UNKL: variants seen among roughly 807,000 people sequenced by gnomAD.
UNKL encodes putative E3 ubiquitin-protein ligase UNKL.
In UNKL, 60 loss-of-function variants were observed where a neutral mutation model predicts 78.0. That is an observed-to-expected ratio of 0.77 (90% CI 0.63 to 0.95). UNKL has a LOEUF of 0.95. Among genes scored for constraint, UNKL ranks in the 40% least tolerant of loss-of-function variants. The probability of loss-of-function intolerance (pLI) is 0.00; values close to 1 mark genes in which losing one functional copy is unlikely to be tolerated. For synonymous variants in UNKL, 608 were observed against 474.8 expected, an observed-to-expected ratio of 1.28 and a Z score of -3.65; for missense variants, 1,159 against 1,045.7, an observed-to-expected ratio of 1.11 and a Z score of -1.49.
In UNKL at chr16:1,370,275, AGAG is replaced by A; in HGVS notation, c.1437_1439del (p.Ser480del). ...GCGAACCGAGCGGCGAGGTGGACGC[AGAG>A]GATGGCGAGTGTAGCGATGGTGCTC... is the stretch of plus-strand genomic sequence containing the variant. On this transcript the variant is annotated inframe_deletion, in exon 12 of 15. Coordinates refer to ENST00000389221, the MANE Select transcript of UNKL (RefSeq NM_001372107.1). 2.0e-6 allele frequency: 3 copies of A among 1,534,314 alleles called. No homozygotes were observed. Among genetic ancestry groups the A allele is most frequent in the Non-Finnish European group, 1.7e-6 (2 of 1,144,972 alleles).
At chr16:1,405,010 A>G (rs756282013) in intron 2 of UNKL, among the ~76,000 whole-genome samples, 4 of 152,102 alleles carry the variant, frequency 2.6e-5, no homozygotes, top group Non-Finnish European at 5.9e-5. Flanking sequence ...CCTGGGCAAC[A>G]TGGTGAGTCC....
rs1350074463 is a variant in UNKL, at chr16:1,387,571, C to A, written c.1087-2186G>T. ...CCTTCTCTACCAGCAAAGGACAGGG[C>A]CACCTGGGCTGTGGGGCTGAGGAGG... On this transcript the variant is annotated intron_variant, in intron 9 of 14. Transcript: ENST00000389221. The surrounding 1 kb of genome is among the most constrained non-coding windows in gnomAD (Gnocchi z 4.1). Among the ~76,000 whole-genome samples, 1 of 152,150 alleles carries A rather than the reference C, an allele frequency of 6.6e-6. No homozygotes were observed. Among genetic ancestry groups the A allele is most frequent in the Non-Finnish European group, 1.5e-5 (1 of 68,018 alleles).
rs552344505 is a variant in UNKL at position 1,369,408 on chromosome 16, T to G, written c.1585+722A>C. ...TTTTGAGATGGAGTTTCACTCTTGT[T>G]GCCCAGGCTGGAGCATAATGGCACA... On this transcript the variant is annotated intron_variant, in intron 12 of 14. Transcript: ENST00000389221. Among the ~76,000 whole-genome samples, 622 of 149,292 alleles carry G rather than the reference T, an allele frequency of 4.2e-3. 2 individuals are homozygous for G. The highest frequency in any genetic ancestry group is 0.014 in the African/African-American group (580 of 40,422).
intron 10 of UNKL, among the ~76,000 whole-genome samples, chr16:1,375,925 G>A (rs1183921332): frequency 2.0e-5 from 3 of 152,224 alleles, no homozygotes; most frequent in Non-Finnish European, 1.5e-5. Flanking sequence ...GCTGAAGAGG[G>A]CAAGACCTCA....
At chr16:1,384,878 C>T (rs59634277) in intron 10 of UNKL, among the ~76,000 whole-genome samples, 2 of 152,148 alleles carry the variant, frequency 1.3e-5, no homozygotes, top group Admixed American at 6.5e-5. Context: ...GGAGCACAGG[C>T]GGCCAACTCC....
chr16:1,390,553 C>G (rs1193653117), intron 9 of UNKL, 79 bp downstream of exon 9: 2 of 1,462,376 alleles, frequency 1.4e-6, no homozygotes, highest in Middle Eastern at 2.0e-4. Context: ...CGCGATGCCA[C>G]GGGTCAGGCA....
In UNKL at chr16:1,387,882, T is replaced by C. The variant is rs148825122; in HGVS notation, c.1087-2497A>G. Among the ~76,000 whole-genome samples the C allele has an allele frequency of 6.8e-6, 1 of 146,188 alleles. No homozygotes were observed. The highest frequency in any genetic ancestry group is 1.5e-5 in the Non-Finnish European group (1 of 67,162). Reference sequence around the variant, plus strand: ...GGTCCGTGCTCTGGGGCACGGTCCCTACACACAAGCTGCCCCTGCTCAGTC... The same window carrying C: ...GGTCCGTGCTCTGGGGCACGGTCCCCACACACAAGCTGCCCCTGCTCAGTC... On this transcript the variant is annotated intron_variant, in intron 9 of 14. Transcript: ENST00000389221. The surrounding 1 kb of genome is among the most constrained non-coding windows in gnomAD (Gnocchi z 4.1).
chr16:1,385,471 G>T, intron 9 of UNKL, 86 bp from the exon 10 acceptor site: 1 of 1,244,802 alleles, frequency 8.0e-7, no homozygotes, highest in Non-Finnish European at 1.0e-6. Context: ...AAGCACCGCG[G>T]GACGGCGGCC....
intron 10 of UNKL, among the ~76,000 whole-genome samples, chr16:1,372,468 G>A (rs1403620678): frequency 6.6e-6 from 1 of 152,000 alleles, no homozygotes; most frequent in Non-Finnish European, 1.5e-5. Flanking sequence ...AGGCCGTGGG[G>A]CTGCCCTCCT....
chr16:1,386,840 G>A (rs1483675830), intron 9 of UNKL, among the ~76,000 whole-genome samples: 2 of 152,082 alleles, frequency 1.3e-5, no homozygotes, highest in African/African-American at 4.8e-5. Context: ...GGCCCAGGAG[G>A]TGCACAGAGC....
chr16:1,370,296 T>A lies in UNKL; in HGVS notation c.1419A>T (p.Pro473=). Residue 473 remains proline, a synonymous_variant, in exon 12 of 15, where the codon CCA becomes CCT. Transcript: ENST00000389221. ...VAIPGSLPRA[P]SLHSPSSAST... ...ACGCAGAGGATGGCGAGTGTAGCGA[T>A]GGTGCTCTGGGCAGGGAGCCGGGGA... 1 of 1,533,998 alleles carries A rather than the reference T, an allele frequency of 6.5e-7. No homozygotes were observed. The highest frequency in any genetic ancestry group is 1.2e-5 in the South Asian group (1 of 83,920).
chr16:1,369,231 G>A (rs890150689), intron 12 of UNKL, among the ~76,000 whole-genome samples: 3 of 151,492 alleles, frequency 2.0e-5, no homozygotes, highest in Non-Finnish European at 2.9e-5. Context: ...CACCACGCCC[G>A]CCTAATTTTT....
rs1481846354 is a variant in UNKL, at chr16:1,368,631, A to AC, written c.1586-774_1586-773insG. Among the ~76,000 whole-genome samples the AC allele has an allele frequency of 2.4e-3, 357 of 147,854 alleles. 15 individuals are homozygous for AC. In the East Asian group the frequency reaches 0.048, roughly 20 times the overall value. On this transcript the variant is annotated intron_variant, in intron 12 of 14. Coordinates refer to ENST00000389221, the MANE Select transcript of UNKL (RefSeq NM_001372107.1). ...CTCAAAAAAAAAAAAAAAAAAAAAAAAAAACAGGCCTGTCATCCCAGCACT... is the reference window on the plus strand; with the variant it reads ...CTCAAAAAAAAAAAAAAAAAAAAAAACAAAACAGGCCTGTCATCCCAGCACT...
intron 10 of UNKL, among the ~76,000 whole-genome samples, chr16:1,384,124 A>G (rs1246292676): frequency 6.6e-6 from 1 of 152,074 alleles, no homozygotes; most frequent in Non-Finnish European, 1.5e-5. Context: ...GCTGGTGGCC[A>G]TGGAACATGG....
intron 8 of UNKL, among the ~76,000 whole-genome samples, chr16:1,391,239 T>TACACACAC (rs142620901): frequency 9.7e-5 from 1 of 10,360 alleles, no homozygotes; most frequent in South Asian, 5.0e-3. Flanking sequence ...CCCTTAAAGA[T>TACACACAC]ACACACACAC....
At chr16:1,369,791 G>GACC in intron 12 of UNKL, 1 of 721,400 alleles carries the variant, frequency 1.4e-6, no homozygotes, top group Non-Finnish European at 2.3e-6. Context: ...CCCGGCCAGC[G>GACC]TGATGAAACG....
intron 12 of UNKL, 42 bp downstream of exon 12, chr16:1,370,088 A>T: frequency 6.5e-7 from 1 of 1,545,414 alleles, no homozygotes. Flanking sequence ...AGCCCCACGG[A>T]GGCTTCACGG....
intron 6 of UNKL, among the ~76,000 whole-genome samples, chr16:1,396,843 C>T (rs1487622350): frequency 6.6e-6 from 1 of 152,180 alleles, no homozygotes; most frequent in East Asian, 1.9e-4. Context: ...CTCAGCCTCC[C>T]AAAGTGCTGG....
intron 6 of UNKL, chr16:1,394,584 A>G: frequency 3.3e-5 from 15 of 454,482 alleles, no homozygotes; most frequent in South Asian, 2.4e-4. Flanking sequence ...TTCCCTGATC[A>G]GACCCACTGA....
Sources: allele counts gnomAD v4.1 joint callset (sites outside exome capture counted in the v4.1 genomes callset), GRCh38; gene constraint gnomAD v4.1.1; non-coding constraint Gnocchi (gnomAD v3.1); transcripts MANE v1.5; gene names NCBI Gene and HGNC (gene_info 2026-07-23, HGNC 2026-07-21).